The following SLC25A29 variants were observed in gnomAD, a reference collection of about 807,000 sequenced individuals.
SLC25A29 encodes mitochondrial basic amino acids transporter.
In SLC25A29, 13 loss-of-function variants were observed where a neutral mutation model predicts 10.0. The observed-to-expected ratio is 1.30, with a 90% CI of 0.85 to 2.07. SLC25A29 has a LOEUF of 2.07. Ranked by LOEUF, SLC25A29 falls within the 30% of genes most tolerant of loss-of-function variation. The probability of loss-of-function intolerance (pLI) is 0.00; values close to 1 mark genes in which losing one functional copy is unlikely to be tolerated. For synonymous variants in SLC25A29, 244 were observed against 221.1 expected, an observed-to-expected ratio of 1.10 and a Z score of -0.92; for missense variants, 475 against 447.6, an observed-to-expected ratio of 1.06 and a Z score of -0.55.
At chr14:100,294,208 T>TA (rs1162183178) in intron 2 of SLC25A29, 1 of 152,258 alleles carries the variant, frequency 6.6e-6, no homozygotes, top group Non-Finnish European at 1.5e-5. Flanking sequence ...TATGAGTTAA[T>TA]AGAGTGGTGG....
chr14:100,300,478 G>A (rs1438297222), intron 1 of SLC25A29, among the ~76,000 whole-genome samples: 1 of 152,112 alleles, frequency 6.6e-6, no homozygotes, highest in Non-Finnish European at 1.5e-5. Context: ...CACCTCCTGG[G>A]CTCAATCGAC....
intron 2 of SLC25A29, among the ~76,000 whole-genome samples, chr14:100,297,385 C>T (rs1435850246): frequency 6.6e-6 from 1 of 152,222 alleles, no homozygotes; most frequent in Admixed American, 6.5e-5. Context: ...CTGCCAGGGG[C>T]TGCCTGAGGG....
intron 1 of SLC25A29, among the ~76,000 whole-genome samples, chr14:100,304,634 C>A (rs1892791585): frequency 6.6e-6 from 1 of 151,886 alleles, no homozygotes; most frequent in Admixed American, 6.6e-5. Context: ...GACCCACAAA[C>A]CTGGGGCAGG....
chr14:100,290,309 T>C (rs1891635317), downstream of SLC25A29, among the ~76,000 whole-genome samples: 1 of 152,216 alleles, frequency 6.6e-6, no homozygotes, highest in Non-Finnish European at 1.5e-5. Context: ...TCTGTGCCCA[T>C]GGCCAGGGTG....
downstream of SLC25A29, among the ~76,000 whole-genome samples, chr14:100,290,844 A>G (rs1403674001): frequency 6.6e-6 from 1 of 152,176 alleles, no homozygotes; most frequent in African/African-American, 2.4e-5. Context: ...GCCCCTCACC[A>G]CAGGCCTCTC....
At chr14:100,304,458 C>A (rs1490482072) in intron 1 of SLC25A29, among the ~76,000 whole-genome samples, 1 of 152,230 alleles carries the variant, frequency 6.6e-6, no homozygotes, top group East Asian at 1.9e-4. Context: ...CAGGAGTGAG[C>A]CCCCAGGTGA....
At chr14:100,299,099 G>C in intron 1 of SLC25A29, 1 of 1,417,986 alleles carries the variant, frequency 7.1e-7, no homozygotes, top group Non-Finnish European at 9.2e-7. Flanking sequence ...CCAAGGCCAA[G>C]CCAGCACCTG....
Position 100,292,274 on chromosome 14 carries a change from G to A in SLC25A29, c.*9C>T, listed in dbSNP as rs1403703538. On this transcript the variant is annotated 3_prime_UTR_variant, in exon 4 of 4. Transcript: ENST00000359232. Reference sequence around the variant, plus strand: ...GAAGGAGCCCTGGGGAAGGAGGGCGGGGTGAGCGTCACAGGCTGGAGGGCT... The same window carrying A: ...GAAGGAGCCCTGGGGAAGGAGGGCGAGGTGAGCGTCACAGGCTGGAGGGCT... 1 of 1,534,216 alleles carries A rather than the reference G, an allele frequency of 6.5e-7. No individual in the cohort carries two copies. Among genetic ancestry groups the A allele is most frequent in the East Asian group, 2.5e-5 (1 of 40,216 alleles).
At chr14:100,285,903 G>GCCTGT in the SLC25A29 span, among the ~76,000 whole-genome samples, 1 of 152,184 alleles carries the variant, frequency 6.6e-6, no homozygotes, top group African/African-American at 2.4e-5. Flanking sequence ...GAAGCGGGGA[G>GCCTGT]ACAGGGCCTT....
At chr14:100,293,233 C>T in intron 3 of SLC25A29, 61 bp downstream of exon 3, 1 of 1,569,984 alleles carries the variant, frequency 6.4e-7, no homozygotes, top group Non-Finnish European at 8.7e-7. Context: ...GGGGTGGTGG[C>T]AGCCCGGAAG....
downstream of SLC25A29, among the ~76,000 whole-genome samples, chr14:100,287,634 C>T (rs767444681): frequency 8.9e-6 from 1 of 112,122 alleles, no homozygotes; most frequent in Non-Finnish European, 1.9e-5. Context: ...CACCACCCCC[C>T]CCCTCCGAAT....
intron 1 of SLC25A29, chr14:100,300,009 G>A (rs550311841): frequency 2.6e-5 from 25 of 979,388 alleles, no homozygotes; most frequent in African/African-American, 1.6e-4. Context: ...GGTGGCTCAC[G>A]CCTGTAATCC....
At chr14:100,285,933 A>G in the SLC25A29 span, among the ~76,000 whole-genome samples, 1 of 152,042 alleles carries the variant, frequency 6.6e-6, no homozygotes, top group South Asian at 2.1e-4. Flanking sequence ...GCCCAAAGGG[A>G]CGTCCTGGAG....
At chr14:100,302,050 CT>C (rs34185759) in intron 1 of SLC25A29, among the ~76,000 whole-genome samples, 40,927 of 145,842 alleles carry the variant, frequency 0.28, 5,756 homozygotes, top group Middle Eastern at 0.38. Context: ...TAGAGCCTTT[CT>C]TTTTTTTTTT....
chr14:100,305,748 G>T (rs1277591496), intron 1 of SLC25A29: 1 of 158,232 alleles, frequency 6.3e-6, no homozygotes, highest in Non-Finnish European at 1.4e-5. Flanking sequence ...GTAGGGGGTC[G>T]GCTCCGTAGC....
rs1325289045 is a variant in SLC25A29 at position 100,292,339 on chromosome 14, C to T, written c.856G>A (p.Glu286Lys). Residue 286 changes from glutamate (E) to lysine (K), a missense_variant, in exon 4 of 4, where the codon GAG becomes AAG. By Grantham distance (56) the Glu-to-Lys change is moderately conservative. Transcript: ENST00000359232. ...CCCGCAGGGGCGGCGGGCACAGCCT[C>T]GCCCTCGGGCCCGGCCTCCTCGCCG... The part of the protein sequence containing the change: ...ARGEEAGPEG[E>K]AVPAAPAGPA... 5 of 1,494,454 alleles carry T rather than the reference C, an allele frequency of 3.3e-6. No individual in the cohort carries two copies. The African/African-American group carries it at 4.2e-5, about 13-fold the overall frequency. 92.6% of individuals were successfully genotyped at this position (1,494,454 alleles called of 1,614,324 possible).
Position 100,292,707 on chromosome 14 carries a change from G to A in SLC25A29, c.488C>T (p.Pro163Leu). 5.0e-6 allele frequency: 8 copies of A among 1,603,170 alleles called. No individual in the cohort carries two copies. Among genetic ancestry groups the A allele is most frequent in the Non-Finnish European group, 6.8e-6 (8 of 1,176,050 alleles). ...GMVSTLLRET[P>L]SFGVYFLTYD... ...GGTGAGGAAGTAGACGCCGAAGCTG[G>A]GCGTCTCACGCAGCAACGTGGACAC... The change falls in exon 4 of 4, where the codon CCC (proline) becomes CTC (leucine). Residue 163 changes from proline (P) to leucine (L), a missense_variant. Transcript: ENST00000359232.
intron 1 of SLC25A29, among the ~76,000 whole-genome samples, chr14:100,301,138 G>A (rs6575772): frequency 0.69 from 104,863 of 151,842 alleles, 36,415 homozygotes; most frequent in East Asian, 0.74. Context: ...TGACCTTGTG[G>A]CCCGCCCACT....
rs775173621 is a variant in SLC25A29, at chr14:100,306,193, C to G, written c.34+6G>C. On this transcript the variant is annotated splice_donor_region_variant and intron_variant, in intron 1 of 3. Transcript: ENST00000359232. ...CCCGGCCCGGCCCGGCCCGCCGCCT[C>G]CTTACCCCCCGCGCATCCAGCCAAG... The G allele has an allele frequency of 2.0e-6, 3 of 1,501,724 alleles. No homozygotes were observed. The Admixed American group carries it at 6.7e-5, about 34-fold the overall frequency. The allele number at this position is 1,501,724 out of a possible 1,614,324, so 93.0% of individuals were successfully genotyped here.
Sources: allele counts gnomAD v4.1 joint callset (sites outside exome capture counted in the v4.1 genomes callset), GRCh38; gene constraint gnomAD v4.1.1; transcripts MANE v1.5; gene names NCBI Gene and HGNC (gene_info 2026-07-23, HGNC 2026-07-21).